Variants in NAP1L4 observed in about 807,000 individuals in gnomAD.
NAP1L4 encodes the protein nucleosome assembly protein 1-like 4.
NAP1L4 carries 15 observed loss-of-function variants against 58.2 expected under a neutral mutation model. That is an observed-to-expected ratio of 0.26 (90% CI 0.17 to 0.40). NAP1L4 has a LOEUF of 0.40. Ranked by LOEUF, NAP1L4 falls within the 10% of genes least tolerant of loss-of-function variation. The pLI is 1.00. For missense variants in NAP1L4, 384 were observed against 451.1 expected, an observed-to-expected ratio of 0.85 and a Z score of 1.35; for synonymous variants, 171 against 155.6, an observed-to-expected ratio of 1.10 and a Z score of -0.74.
At chr11:2,945,772 T>C in intron 15 of NAP1L4, 126 bp from the exon 16 acceptor site, 5 of 700,412 alleles carry the variant, frequency 7.1e-6, no homozygotes, top group Non-Finnish European at 8.9e-6. Flanking sequence ...TTACTGCAAA[T>C]ATACTTTTAA....
intron 4 of NAP1L4, among the ~76,000 whole-genome samples, chr11:2,975,292 G>A (rs912311366): frequency 2.4e-4 from 37 of 152,086 alleles, no homozygotes; most frequent in African/African-American, 8.9e-4. Context: ...ACTCCAGCCT[G>A]AACAACAGTG....
In NAP1L4 at chr11:2,951,751, A is replaced by C; in HGVS notation, c.1065+29T>G. On this transcript the variant is annotated intron_variant, in intron 13 of 15. Transcript: ENST00000380542. This position sits in a 1 kb window ranked among gnomAD's most constrained non-coding sequence, Gnocchi z 4.0. The stretch of plus-strand genomic sequence containing the variant: ...GCCAAAGAAACAACTTCAGGGAGGT[A>C]AGTGGCACTGCATAAACCTGTCTCT... The C allele has an allele frequency of 6.2e-7, 1 of 1,611,764 alleles. No individual in the cohort carries two copies. Among genetic ancestry groups the C allele is most frequent in the Non-Finnish European group, 8.5e-7 (1 of 1,177,978 alleles).
Position 2,945,517 on chromosome 11 carries a change from G to A in NAP1L4, c.*162C>T, listed in dbSNP as rs1845893326. 4 of 1,131,386 alleles carry A rather than the reference G, an allele frequency of 3.5e-6. No individual in the cohort carries two copies. The highest frequency in any genetic ancestry group is 2.0e-4 in the Middle Eastern group (1 of 5,124). 70.1% of individuals were successfully genotyped at this position (1,131,386 alleles called of 1,614,324 possible). On this transcript the variant is annotated 3_prime_UTR_variant, in exon 16 of 16. Transcript: ENST00000380542. Reference sequence around the variant, plus strand: ...AAACGAGTTAGATGGAGTAAGCTCTGTCCACGGGATTGTGCTGCGGCAAGG... The same window carrying A: ...AAACGAGTTAGATGGAGTAAGCTCTATCCACGGGATTGTGCTGCGGCAAGG...
At chr11:2,980,690 C>T (rs1392838554) in intron 1 of NAP1L4, among the ~76,000 whole-genome samples, 1 of 152,030 alleles carries the variant, frequency 6.6e-6, no homozygotes, top group Non-Finnish European at 1.5e-5. Context: ...GAGCAAAGCC[C>T]AAACCACTGA....
intron 9 of NAP1L4, 178 bp from the exon 10 acceptor site, chr11:2,958,722 C>G: frequency 1.6e-6 from 1 of 615,386 alleles, no homozygotes; most frequent in Non-Finnish European, 2.8e-6. Context: ...AGAGAAACAG[C>G]CTGGTCCTCT....
In NAP1L4 at chr11:2,955,022, T is replaced by C. The variant is rs1486555150; in HGVS notation, c.916-376A>G. Among the ~76,000 whole-genome samples the C allele has an allele frequency of 2.0e-5, 3 of 152,168 alleles. No homozygotes were observed. Among genetic ancestry groups the C allele is most frequent in the Non-Finnish European group, 1.5e-5 (1 of 68,028 alleles). On this transcript the variant is annotated intron_variant, in intron 11 of 15. Transcript: ENST00000380542. This position sits in a 1 kb window ranked among gnomAD's most constrained non-coding sequence, Gnocchi z 4.2. ...ATACTTTTACTTAGATGTGTAATGATTTCAAATTAATCCCAGAGTTTTAGG... is the reference window on the plus strand; with the variant it reads ...ATACTTTTACTTAGATGTGTAATGACTTCAAATTAATCCCAGAGTTTTAGG...
rs770612776 is a variant in NAP1L4 at position 2,972,062 on chromosome 11, C to G, written c.315+40G>C. On this transcript the variant is annotated intron_variant, in intron 5 of 15. Transcript: ENST00000380542. Reference sequence around the variant, plus strand: ...TATCGGAACCTAACACCTTCGTAAGCTGAAAACTATCTGTATATTAAATTA... The same window carrying G: ...TATCGGAACCTAACACCTTCGTAAGGTGAAAACTATCTGTATATTAAATTA... The G allele has an allele frequency of 5.4e-6, 8 of 1,490,226 alleles. No homozygotes were observed. In the South Asian group the frequency reaches 1.1e-4, roughly 21 times the overall value. The allele number at this position is 1,490,226 out of a possible 1,614,324, so 92.3% of individuals were successfully genotyped here.
chr11:2,971,565 T>C lies in NAP1L4; in HGVS notation c.316-31A>G, dbSNP rs768431181. 3.8e-6 allele frequency: 6 copies of C among 1,569,844 alleles called. No homozygotes were observed. The highest frequency in any genetic ancestry group is 3.4e-5 in the South Asian group (3 of 89,412). On this transcript the variant is annotated intron_variant, in intron 5 of 15. Transcript: ENST00000380542. This position sits in a 1 kb window ranked among gnomAD's most constrained non-coding sequence, Gnocchi z 4.2. Reference sequence around the variant, plus strand: ...TAAAAATGAGACCTTATTAGAATTATGTTATTAGCTTACTTAGGAACTCAA... The same window carrying C: ...TAAAAATGAGACCTTATTAGAATTACGTTATTAGCTTACTTAGGAACTCAA...
chr11:2,992,104 G>A (rs1281098233), intron 1 of NAP1L4, 150 bp downstream of exon 1: 3 of 151,472 alleles, frequency 2.0e-5, no homozygotes, highest in African/African-American at 4.9e-5. Context: ...GCCCCGACCA[G>A]AACGCGGCCC....
chr11:2,969,986 C>CAGGG, intron 6 of NAP1L4, 52 bp from the exon 7 acceptor site: 1 of 1,560,222 alleles, frequency 6.4e-7, no homozygotes. Flanking sequence ...ACAAACAATG[C>CAGGG]AGCGGCTTCA....
chr11:2,967,750 C>A (rs1847376823), intron 7 of NAP1L4, among the ~76,000 whole-genome samples: 1 of 152,068 alleles, frequency 6.6e-6, no homozygotes, highest in South Asian at 2.1e-4. Context: ...TCAACCCCTG[C>A]ATATCTTTTT....
rs371920408 is a variant in NAP1L4 at position 2,959,759 on chromosome 11, C to T, written c.746+11G>A. 101 of 1,609,148 alleles carry T rather than the reference C, an allele frequency of 6.3e-5. No individual in the cohort carries two copies. The Middle Eastern group carries it at 7.3e-4, about 12-fold the overall frequency. On this transcript the variant is annotated intron_variant, in intron 9 of 15. Transcript: ENST00000380542. The surrounding 1 kb of genome is among the most constrained non-coding windows in gnomAD (Gnocchi z 4.9). ...GTTTCAGAAAAACAAGGTAGAATGA[C>T]ATTTTCTTACCCGTCACAGTCCACA...
At chr11:2,967,137 C>T (rs201738455) in intron 7 of NAP1L4, among the ~76,000 whole-genome samples, 21 of 152,138 alleles carry the variant, frequency 1.4e-4, no homozygotes, top group South Asian at 2.1e-4. Context: ...GGCATAGTGG[C>T]GCATATCTAC....
At chr11:2,982,600 G>A (rs1848391675) in intron 1 of NAP1L4, among the ~76,000 whole-genome samples, 1 of 152,230 alleles carries the variant, frequency 6.6e-6, no homozygotes, top group South Asian at 2.1e-4. Context: ...TTGGAAAGGT[G>A]AGGTGCCAAA....
chr11:2,960,486 A>C (rs7935584), intron 8 of NAP1L4, among the ~76,000 whole-genome samples: 2,791 of 152,286 alleles, frequency 0.018, 86 homozygotes, highest in African/African-American at 0.064. Flanking sequence ...GCACACCGGG[A>C]AAAAGGATGC....
At chr11:2,962,100 A>T (rs1412563168) in intron 8 of NAP1L4, among the ~76,000 whole-genome samples, 1 of 140,120 alleles carries the variant, frequency 7.1e-6, no homozygotes, top group Non-Finnish European at 1.5e-5. Context: ...CATGTCTGTA[A>T]TCCCAACTGA....
intron 1 of NAP1L4, chr11:2,990,395 C>T (rs1848890037): frequency 6.6e-6 from 1 of 152,108 alleles, no homozygotes; most frequent in African/African-American, 2.4e-5. Flanking sequence ...GATTACTTTC[C>T]CATTCTATCA....
At chr11:2,960,098 G>T in intron 8 of NAP1L4, 189 bp from the exon 9 acceptor site, 1 of 586,840 alleles carries the variant, frequency 1.7e-6, no homozygotes. Flanking sequence ...TGGACTGGCG[G>T]GAAATATCTG....
chr11:2,954,276 G>C lies in NAP1L4; in HGVS notation c.1035+251C>G. The C allele has an allele frequency of 1.7e-6, 1 of 573,604 alleles. No homozygotes were observed. Among genetic ancestry groups the C allele is most frequent in the Non-Finnish European group, 3.1e-6 (1 of 319,566 alleles). 35.5% of individuals were successfully genotyped at this position (573,604 alleles called of 1,614,324 possible). On this transcript the variant is annotated intron_variant, in intron 12 of 15. Coordinates refer to ENST00000380542, the MANE Select transcript of NAP1L4 (RefSeq NM_005969.4). This position sits in a 1 kb window ranked among gnomAD's most constrained non-coding sequence, Gnocchi z 4.8. ...GAATATTGTTGAGTCACTAGGCAGG[G>C]CTCACATAGGAAACTGGCAATCACC...
Sources: allele counts gnomAD v4.1 joint callset (sites outside exome capture counted in the v4.1 genomes callset), GRCh38; gene constraint gnomAD v4.1.1; non-coding constraint Gnocchi (gnomAD v3.1); transcripts MANE v1.5; gene names NCBI Gene and HGNC (gene_info 2026-07-23, HGNC 2026-07-21).